The following SASH1 variants were observed in gnomAD, a reference collection of about 807,000 sequenced individuals.
SASH1 encodes the protein SAM and SH3 domain-containing protein 1.
Under a neutral mutation model 125.2 loss-of-function variants are expected in SASH1, and 44 were observed. The ratio of observed to expected loss-of-function variants is 0.35; its 90% CI spans 0.28 to 0.45. The LOEUF is 0.45. Ranked by LOEUF, SASH1 falls within the 20% of genes least tolerant of loss-of-function variation. The pLI is 1.00. For missense variants in SASH1, 1,426 were observed against 1,614.5 expected (o/e 0.88, Z 2.00); for synonymous variants, 639 against 649.1 (o/e 0.98, Z 0.24).
At chr6:148,219,452 G>A in the SASH1 span, among the ~76,000 whole-genome samples, 26 of 152,100 alleles carry the variant, frequency 1.7e-4, no homozygotes, top group African/African-American at 5.5e-4. Flanking sequence ...TTCTTCTGAC[G>A]CTATGATGAT....
chr6:148,223,762 C>A, the SASH1 span, among the ~76,000 whole-genome samples: 1 of 152,110 alleles, frequency 6.6e-6, no homozygotes, highest in South Asian at 2.1e-4. Flanking sequence ...AAAGCATGAC[C>A]AAGCTCAAAG....
At chr6:148,246,012 A>C in the SASH1 span, among the ~76,000 whole-genome samples, 1 of 152,196 alleles carries the variant, frequency 6.6e-6, no homozygotes, top group East Asian at 1.9e-4. Flanking sequence ...AAAAGAAAAA[A>C]AAAGAATTAA....
At chr6:148,284,209 C>T (rs576422851) in intron 1 of SASH1, among the ~76,000 whole-genome samples, 1 of 152,276 alleles carries the variant, frequency 6.6e-6, no homozygotes, top group Admixed American at 6.5e-5. Context: ...GAGGCCGAGG[C>T]GGGCAGATCA....
intron 9 of SASH1, among the ~76,000 whole-genome samples, chr6:148,515,697 C>T (rs902267286): frequency 1.3e-5 from 2 of 152,144 alleles, no homozygotes; most frequent in Admixed American, 1.3e-4. Flanking sequence ...AATACCTGCC[C>T]GCCAGTCGTG....
At chr6:148,267,782 C>T (rs1010323432), upstream of SASH1, among the ~76,000 whole-genome samples, 3 of 152,146 alleles carry the variant, frequency 2.0e-5, no homozygotes, top group Non-Finnish European at 1.5e-5. Flanking sequence ...TAAGGAGCCC[C>T]AGAGTCCCAC....
At chr6:148,199,594 A>C in the SASH1 span, among the ~76,000 whole-genome samples, 294 of 152,152 alleles carry the variant, frequency 1.9e-3, 1 homozygote, top group Non-Finnish European at 1.8e-3. Flanking sequence ...GCTATTCGGC[A>C]GGCGGAGGCA....
At chr6:148,370,821 TCAAAAAAACAAAAGACAAAA>T (rs1394792667) in intron 1 of SASH1, among the ~76,000 whole-genome samples, 2 of 152,184 alleles carry the variant, frequency 1.3e-5, no homozygotes, top group East Asian at 3.9e-4. Context: ...AGACTCTGTC[TCAAAAAAACAAAAGACAAAA>T]CAAAAAAACC....
At chr6:148,395,615 G>T (rs887329237) in intron 2 of SASH1, among the ~76,000 whole-genome samples, 1 of 152,154 alleles carries the variant, frequency 6.6e-6, no homozygotes, top group Non-Finnish European at 1.5e-5. Context: ...CACCAAATGG[G>T]CCCTACAGGA....
intron 2 of SASH1, among the ~76,000 whole-genome samples, chr6:148,407,300 G>A (rs1055550687): frequency 1.3e-5 from 2 of 151,962 alleles, no homozygotes; most frequent in Non-Finnish European, 1.5e-5. Flanking sequence ...TTGACCATTC[G>A]CAATACCTCC....
At chr6:148,387,624 C>CCTTCCTTCCT (rs1783486592) in intron 1 of SASH1, among the ~76,000 whole-genome samples, 3 of 28,908 alleles carry the variant, frequency 1.0e-4, no homozygotes, top group African/African-American at 2.5e-4. Context: ...TTCTTTCTTT[C>CCTTCCTTCCT]TTTCTTTCTT....
intron 4 of SASH1, among the ~76,000 whole-genome samples, chr6:148,454,596 G>T (rs1393222975): frequency 6.6e-6 from 1 of 152,134 alleles, no homozygotes; most frequent in African/African-American, 2.4e-5. Context: ...CAGCATCTTG[G>T]GGGAATGGGT....
intron 7 of SASH1, chr6:148,479,765 C>T (rs796144764): frequency 4.6e-5 from 7 of 153,012 alleles, no homozygotes; most frequent in African/African-American, 1.7e-4. Flanking sequence ...CTACAAAGCT[C>T]ATTGAGAGCA....
chr6:148,369,724 C>T (rs768470662), intron 1 of SASH1, among the ~76,000 whole-genome samples: 32 of 152,014 alleles, frequency 2.1e-4, no homozygotes, highest in Non-Finnish European at 1.0e-4. Flanking sequence ...GAGGCCAAGA[C>T]GGGTGGATCA....
At chr6:148,209,025 T>C in the SASH1 span, among the ~76,000 whole-genome samples, 1 of 152,240 alleles carries the variant, frequency 6.6e-6, no homozygotes, top group Admixed American at 6.5e-5. Context: ...TCTACTTCCA[T>C]TGTGCAAAAG....
the SASH1 span, among the ~76,000 whole-genome samples, chr6:148,199,646 C>CT: frequency 2.7e-5 from 4 of 149,956 alleles, no homozygotes; most frequent in Non-Finnish European, 5.9e-5. Context: ...GTGATGAACT[C>CT]TGAGCATACC....
At chr6:148,362,745 G>A (rs1562352436) in intron 1 of SASH1, among the ~76,000 whole-genome samples, 2 of 152,032 alleles carry the variant, frequency 1.3e-5, no homozygotes, top group South Asian at 4.2e-4. Flanking sequence ...CTACTTGGAA[G>A]GATGAAGCAG....
chr6:148,494,571 G>T (rs1051295471), intron 8 of SASH1, among the ~76,000 whole-genome samples: 1 of 152,054 alleles, frequency 6.6e-6, no homozygotes, highest in East Asian at 1.9e-4. Context: ...AGGTTGCAGT[G>T]AGCCGAGATC....
intron 4 of SASH1, among the ~76,000 whole-genome samples, chr6:148,449,910 A>G (rs76672771): frequency 0.017 from 2,592 of 152,216 alleles, 55 homozygotes; most frequent in African/African-American, 0.055. Flanking sequence ...ATCCATTTCC[A>G]TGGAAATTAA....
chr6:148,366,304 A>AG (rs1248420089), intron 1 of SASH1, among the ~76,000 whole-genome samples: 1 of 152,100 alleles, frequency 6.6e-6, no homozygotes, highest in Non-Finnish European at 1.5e-5. Context: ...ACCAAAAAAA[A>AG]CCCATAGAGA....
Sources: gnomAD v4.1 joint callset for allele counts (sites outside exome capture counted in the v4.1 genomes callset) on GRCh38, gnomAD v4.1.1 for gene constraint, MANE v1.5 for transcripts, NCBI Gene and HGNC (gene_info 2026-07-23, HGNC 2026-07-21) for gene names.